Variants in MAGED1 observed in about 807,000 individuals in gnomAD.
MAGED1 encodes melanoma-associated antigen D1.
A neutral mutation model predicts 54.1 loss-of-function variants in MAGED1; 3 were observed. That is an observed-to-expected ratio of 0.06 (90% CI 0.03 to 0.14). The LOEUF is 0.14. Among genes scored for constraint, MAGED1 ranks in the 10% least tolerant of loss-of-function variants. MAGED1 has a pLI of 1.00. For missense variants in MAGED1, 485 were observed against 623.4 expected (o/e 0.78, Z 2.36); for synonymous variants, 217 against 227.3 (o/e 0.95, Z 0.41).
At chrX:51,852,384 A>C (rs1557359843) in intron 1 of MAGED1, among the ~76,000 whole-genome samples, 1 of 112,198 alleles carries the variant, frequency 8.9e-6, no homozygotes, top group Admixed American at 9.4e-5. Context: ...TGGGATTTGA[A>C]CATCTTGGGA....
chrX:51,895,523 G>A lies in MAGED1; in HGVS notation c.516G>A (p.Leu172=). 8.3e-7 allele frequency: 1 copy of A among 1,210,896 alleles called. No homozygotes were observed. Among genetic ancestry groups the A allele is most frequent in the Non-Finnish European group, 1.1e-6 (1 of 895,083 alleles). Residue 172 remains leucine (L), a synonymous_variant, in exon 3 of 13, where the codon CTG becomes CTA. Transcript: ENST00000326587. The part of the protein sequence containing the change: ...NFSQSLNAND[L]ANSRPKTPFK... ...CTCAGTCTCTCAATGCCAATGACCT[G>A]GCCAACAGCAGGCCTAAGACCCCTT...
upstream of MAGED1, among the ~76,000 whole-genome samples, chrX:51,891,251 G>A (rs1928427698): frequency 8.9e-6 from 1 of 112,652 alleles, no homozygotes; most frequent in Admixed American, 9.4e-5. Flanking sequence ...GAAAGGAAGT[G>A]GGAAGCAGTA....
chrX:51,833,927 A>T (rs782542761), intron 1 of MAGED1, among the ~76,000 whole-genome samples: 49 of 111,653 alleles, frequency 4.4e-4, no homozygotes, highest in African/African-American at 1.6e-3. Flanking sequence ...CATTATCTTC[A>T]ATTCAGTATT....
At position 51,897,031 on chromosome X, in the gene MAGED1, A is replaced by G. The variant is rs1928788982; in HGVS notation, c.1376A>G (p.Asn459Ser). ...RPSPNSRASQ[N>S]PGAAQPRDVA... ...TCTCCCAACTCGCGTGCCTCACAGA[A>G]CCCAGGTGCTGCACAGCCCCGAGAT... is the stretch of plus-strand genomic sequence containing the variant. The change falls in exon 4 of 13, where the codon AAC (asparagine) becomes AGC (serine). Residue 459 changes from asparagine (N) to serine (S), a missense_variant. Physicochemically the swap from Asn to Ser is conservative, Grantham distance 46 (BLOSUM62 1). Around this residue, in one of 2 missense-constraint regions of MAGED1, gnomAD observed 186 missense variants for 330.3 expected, o/e 0.56. Coordinates refer to ENST00000326587, the MANE Select transcript of MAGED1 (RefSeq NM_006986.4). The G allele has an allele frequency of 8.3e-7, 1 of 1,211,601 alleles. No homozygotes were observed.
At chrX:51,804,676 G>T (rs1402954994) in intron 1 of MAGED1, among the ~76,000 whole-genome samples, 1 of 110,621 alleles carries the variant, frequency 9.0e-6, no homozygotes, top group South Asian at 3.9e-4. Flanking sequence ...TGGCACTGGT[G>T]TTAAATGAAC....
chrX:51,824,848 A>G (rs1420281312), intron 1 of MAGED1, among the ~76,000 whole-genome samples: 3 of 87,137 alleles, frequency 3.4e-5, no homozygotes, highest in Non-Finnish European at 6.5e-5. Flanking sequence ...ACAGACACAC[A>G]CAGTCTCAGA....
upstream of MAGED1, among the ~76,000 whole-genome samples, chrX:51,889,900 T>C (rs1158170100): frequency 1.8e-5 from 2 of 112,379 alleles, no homozygotes; most frequent in Non-Finnish European, 3.8e-5. Context: ...GTTCAAACCC[T>C]ATGCTTTCCA....
chrX:51,826,631 A>G (rs1925861735), intron 1 of MAGED1, among the ~76,000 whole-genome samples: 1 of 112,457 alleles, frequency 8.9e-6, no homozygotes, highest in African/African-American at 3.2e-5. Context: ...AGCATGTGCA[A>G]AGATGCTCAA....
At chrX:51,850,392 C>T (rs1723359120) in intron 1 of MAGED1, among the ~76,000 whole-genome samples, 1 of 111,967 alleles carries the variant, frequency 8.9e-6, no homozygotes, top group Non-Finnish European at 1.9e-5. Flanking sequence ...GACCACAGTC[C>T]AGGATTTGGT....
rs5991705 is a variant in MAGED1, at chrX:51,806,760, A to G, written c.-37+3643A>G. ...GTAAATACTGCCAGCCAGCTTTCCA[A>G]GGTGATTGTACGAGAAGACTCCTAA... On this transcript the variant is annotated intron_variant, in intron 1 of 12. Coordinates refer to the MAGED1 transcript ENST00000375772. 2.4e-3 allele frequency among the ~76,000 whole-genome samples: 260 copies of G among 106,126 alleles called. 1 individual carries two copies. Among genetic ancestry groups the G allele is most frequent in the African/African-American group, 8.5e-3 (246 of 29,105 alleles). 92.2% of individuals were successfully genotyped at this position (106,126 alleles called of 115,157 possible).
At chrX:51,863,103 G>A (rs1927336700) in intron 1 of MAGED1, among the ~76,000 whole-genome samples, 1 of 111,689 alleles carries the variant, frequency 9.0e-6, no homozygotes, top group South Asian at 3.7e-4. Flanking sequence ...TGTATCCTTT[G>A]ACCATCTCTC....
intron 2 of MAGED1, chrX:51,894,752 C>G: frequency 8.7e-7 from 1 of 1,155,416 alleles, no homozygotes; most frequent in Non-Finnish European, 1.1e-6. Flanking sequence ...CGCCTGCCGT[C>G]CTGAGCTGCT....
At chrX:51,898,810 C>T in intron 10 of MAGED1, 167 bp downstream of exon 10, 1 of 416,754 alleles carries the variant, frequency 2.4e-6, no homozygotes. Flanking sequence ...CAAGACCAGC[C>T]TGGGCAACAT....
rs1925160529 is a variant in MAGED1 at position 51,809,918 on chromosome X, G to A, written c.-37+6801G>A. 2.7e-5 allele frequency among the ~76,000 whole-genome samples: 3 copies of A among 111,535 alleles called. No individual in the cohort carries two copies. In the South Asian group the frequency reaches 1.1e-3, roughly 41 times the overall value. On this transcript the variant is annotated intron_variant, in intron 1 of 12. Coordinates refer to the MAGED1 transcript ENST00000375772. Reference sequence around the variant, plus strand: ...ACTTTTTCCTTATCAGCTATTTTTTGTCCTGAAGTATATTTCATAATAATC... The same window carrying A: ...ACTTTTTCCTTATCAGCTATTTTTTATCCTGAAGTATATTTCATAATAATC...
chrX:51,832,739 T>G, intron 1 of MAGED1, among the ~76,000 whole-genome samples: 1 of 110,889 alleles, frequency 9.0e-6, no homozygotes, highest in East Asian at 2.8e-4. Flanking sequence ...GCCCTACTTC[T>G]GCATGCCTCC....
chrX:51,823,951 C>CT (rs1925736434), intron 1 of MAGED1, among the ~76,000 whole-genome samples: 1 of 111,563 alleles, frequency 9.0e-6, no homozygotes, highest in African/African-American at 3.2e-5. Flanking sequence ...CAAATTACGT[C>CT]TTTTTGCACT....
intron 1 of MAGED1, among the ~76,000 whole-genome samples, chrX:51,808,649 A>G (rs1925112218): frequency 8.9e-6 from 1 of 111,940 alleles, no homozygotes. Context: ...TTTGAGGCTG[A>G]AGACAGCTGT....
intron 1 of MAGED1, among the ~76,000 whole-genome samples, chrX:51,860,828 AAGGT>A (rs1927255954): frequency 9.1e-6 from 1 of 110,453 alleles, no homozygotes; most frequent in African/African-American, 3.3e-5. Flanking sequence ...CAGCAGAAGA[AAGGT>A]AGGAGGGGGA....
chrX:51,814,323 C>T (rs1925333739), intron 1 of MAGED1, among the ~76,000 whole-genome samples: 1 of 111,624 alleles, frequency 9.0e-6, no homozygotes, highest in Non-Finnish European at 1.9e-5. Context: ...ACTGCCGCCA[C>T]CACCACCTGT....
Sources: allele counts gnomAD v4.1 joint callset (sites outside exome capture counted in the v4.1 genomes callset), GRCh38; gene constraint gnomAD v4.1.1; regional missense constraint gnomAD v4.1.1; transcripts MANE v1.5; gene names NCBI Gene and HGNC (gene_info 2026-07-23, HGNC 2026-07-21).